The following CLPP variants were observed in gnomAD, a reference collection of about 807,000 sequenced individuals.
CLPP encodes the protein ATP-dependent Clp protease proteolytic subunit, mitochondrial.
In CLPP, 14 loss-of-function variants were observed where a neutral mutation model predicts 27.4. The observed-to-expected ratio is 0.51, with a 90% confidence interval of 0.34 to 0.80. The LOEUF (loss-of-function observed/expected upper bound fraction) is 0.80. Among genes scored for constraint, CLPP ranks in the 30% least tolerant of loss-of-function variants. The pLI is 0.02. For synonymous variants in CLPP, 193 were observed against 166.6 expected (o/e 1.16, Z -1.22); for missense variants, 361 against 403.6 (o/e 0.89, Z 0.90).
chr19:6,362,627 T>C, intron 3 of CLPP, 85 bp downstream of exon 3: 3 of 953,646 alleles, frequency 3.1e-6, no homozygotes, highest in Non-Finnish European at 3.4e-6. Context: ...GTCAGGGATG[T>C]TCTCTCTCTG....
At chr19:6,367,141 C>T (rs528375447) in intron 5 of CLPP, among the ~76,000 whole-genome samples, 1 of 151,876 alleles carries the variant, frequency 6.6e-6, no homozygotes, top group East Asian at 2.0e-4. Context: ...CTTTGGGAGG[C>T]CGAGGTGGGC....
At chr19:6,367,720 A>AATT (rs2091869469) in intron 5 of CLPP, among the ~76,000 whole-genome samples, 1 of 130,432 alleles carries the variant, frequency 7.7e-6, no homozygotes, top group African/African-American at 4.3e-5. Context: ...CATCAATAAC[A>AATT]ATTTTTTTTT....
At chr19:6,361,804 G>A (rs2091835290) in intron 1 of CLPP, 32 bp downstream of exon 1, 1 of 1,573,404 alleles carries the variant, frequency 6.4e-7, no homozygotes, top group East Asian at 2.3e-5. Context: ...ACGGTTCGGG[G>A]GCTCCGGGCT....
At chr19:6,364,398 G>T in intron 3 of CLPP, 54 bp from the exon 4 acceptor site, 1 of 1,529,402 alleles carries the variant, frequency 6.5e-7, no homozygotes, top group African/African-American at 1.4e-5. Flanking sequence ...AGATGGAATA[G>T]GGAAAGGGTC....
At position 6,368,539 on chromosome 19, in the gene CLPP, G is replaced by C; in HGVS notation, c.663G>C (p.Glu221Asp). 1 of 1,614,104 alleles carries C rather than the reference G, an allele frequency of 6.2e-7. No individual in the cohort carries two copies. The highest frequency in any genetic ancestry group is 8.5e-7 in the Non-Finnish European group (1 of 1,180,010). Residue 221 changes from glutamate to aspartate, a missense_variant and splice_region_variant, in exon 6 of 6, where the codon GAG becomes GAC. Around this residue, in one of 2 missense-constraint regions of CLPP, gnomAD observed 213 missense variants for 280.9 expected, o/e 0.76. Coordinates refer to ENST00000245816, the MANE Select transcript of CLPP (RefSeq NM_006012.4). The stretch of plus-strand genomic sequence containing the variant: ...TCTCACCTCCTGCTTCCCCACCAGA[G>C]TCCGCCATGGAGAGGGACCGCTACA... ...KHTKQSLQVI[E>D]SAMERDRYMS... is the part of the protein sequence containing the mutation.
intron 3 of CLPP, among the ~76,000 whole-genome samples, chr19:6,363,083 A>C (rs913953909): frequency 1.6e-4 from 24 of 152,010 alleles, no homozygotes; most frequent in Non-Finnish European, 3.4e-4. Flanking sequence ...CCCCCTCCCC[A>C]AAAAAAGTAG....
chr19:6,362,597 T>G (rs1394922447), intron 3 of CLPP, 55 bp downstream of exon 3: 2 of 1,206,206 alleles, frequency 1.7e-6, no homozygotes, highest in African/African-American at 3.0e-5. Context: ...CACGGGTGAC[T>G]CAGGGGACCA....
chr19:6,361,629 G>A lies in CLPP; in HGVS notation c.55G>A (p.Ala19Thr). The A allele has an allele frequency of 6.3e-6, 9 of 1,426,622 alleles. No individual in the cohort carries two copies. The highest frequency in any genetic ancestry group is 8.3e-6 in the Non-Finnish European group (9 of 1,089,844). 88.4% of individuals were successfully genotyped at this position (1,426,622 alleles called of 1,614,324 possible). A position where few individuals can be genotyped will look rare whatever the true frequency, so the allele number is the denominator to read the frequency against. Reference sequence around the variant, plus strand: ...CCGGGTGGCGTCATGCAGGTACCCCGCGCTGGGGCCTCGCCTCGCCGCTCA... The same window carrying A: ...CCGGGTGGCGTCATGCAGGTACCCCACGCTGGGGCCTCGCCTCGCCGCTCA... ...GARVASCRYP[A>T]LGPRLAAHFP... The change falls in exon 1 of 6, where the codon GCG (alanine) becomes ACG (threonine). Residue 19 changes from alanine (A) to threonine (T), a missense_variant. Physicochemically the swap from Ala to Thr is moderately conservative, Grantham distance 58 (BLOSUM62 0). Coordinates refer to ENST00000245816, the MANE Select transcript of CLPP (RefSeq NM_006012.4).
chr19:6,362,398 C>G lies in CLPP; in HGVS notation c.271-48C>G, dbSNP rs772996724. On this transcript the variant is annotated intron_variant, in intron 2 of 5. Transcript: ENST00000245816. Reference sequence around the variant, plus strand: ...CCCATCCCCAGCCTCCCTTAAAACTCTCTCCCCACCCCGAATCTGGGGACA... The same window carrying G: ...CCCATCCCCAGCCTCCCTTAAAACTGTCTCCCCACCCCGAATCTGGGGACA... 8.0e-6 allele frequency: 11 copies of G among 1,377,394 alleles called. No homozygotes were observed. In the Middle Eastern group the frequency reaches 7.1e-4, roughly 89 times the overall value. 85.3% of individuals were successfully genotyped at this position (1,377,394 alleles called of 1,614,324 possible). A position where few individuals can be genotyped will look rare whatever the true frequency, so the allele number is the denominator to read the frequency against.
chr19:6,361,595 A>AG lies in CLPP; in HGVS notation c.28dup (p.Ala10GlyfsTer65), dbSNP rs770403079. 1.6e-5 allele frequency: 23 copies of AG among 1,412,412 alleles called. No homozygotes were observed. The highest frequency in any genetic ancestry group is 9.3e-5 in the Admixed American group (3 of 32,216). The allele number at this position is 1,412,412 out of a possible 1,614,324, so 87.5% of individuals were successfully genotyped here. On this transcript the variant is annotated frameshift_variant, in exon 1 of 6. Coordinates refer to ENST00000245816, the MANE Select transcript of CLPP (RefSeq NM_006012.4). LOFTEE classifies it high-confidence loss of function. The stretch of plus-strand genomic sequence containing the variant: ...GAGGGATGTGGCCCGGAATATTGGT[A>AG]GGGGGGGCCCGGGTGGCGTCATGCA...
In CLPP at chr19:6,370,201, T is replaced by G. The variant is rs1192216161; in HGVS notation, c.*1491T>G. On this transcript the variant is annotated 3_prime_UTR_variant, in exon 6 of 6. Transcript: ENST00000245816. ...TGATGTTTTGATATGTCCCTCGACA[T>G]CAGGGTCAAGAGGTTGAAATAAAAA... Among the ~76,000 whole-genome samples the G allele has an allele frequency of 6.6e-6, 1 of 152,202 alleles. No individual in the cohort carries two copies. Among genetic ancestry groups the G allele is most frequent in the Non-Finnish European group, 1.5e-5 (1 of 68,030 alleles).
intron 2 of CLPP, chr19:6,362,144 C>T (rs1038509781): frequency 9.9e-6 from 6 of 606,022 alleles, no homozygotes; most frequent in Admixed American, 5.9e-5. Flanking sequence ...TCTTAATCTC[C>T]GACTTCCTTC....
intron 3 of CLPP, among the ~76,000 whole-genome samples, chr19:6,363,301 G>A (rs1035464808): frequency 1.3e-5 from 2 of 151,788 alleles, no homozygotes; most frequent in Non-Finnish European, 1.5e-5. Context: ...CTAATTTTTT[G>A]TATTTCGTAG....
rs777653872 is a variant in CLPP, at chr19:6,362,499, C to G, written c.324C>G (p.Ser108=). 6.2e-7 allele frequency: 1 copy of G among 1,614,040 alleles called. No homozygotes were observed. Among genetic ancestry groups the G allele is most frequent in the South Asian group, 1.1e-5 (1 of 91,088 alleles). The change falls in exon 3 of 6, where the codon TCC becomes TCG. Residue 108 remains serine, a synonymous_variant. Transcript: ENST00000245816. ...LVIAQLLFLQ[S]ESNKKPIHMY... is the part of the protein sequence containing the mutation. Reference sequence around the variant, plus strand: ...TCGCACAGCTCCTCTTCCTGCAATCCGAGAGCAACAAGAAGCCCATCCACA... The same window carrying G: ...TCGCACAGCTCCTCTTCCTGCAATCGGAGAGCAACAAGAAGCCCATCCACA...
At position 6,364,437 on chromosome 19, in the gene CLPP, C is replaced by A. The variant is rs759729281; in HGVS notation, c.368-15C>A. 2 of 1,598,328 alleles carry A rather than the reference C, an allele frequency of 1.3e-6. No homozygotes were observed. Among genetic ancestry groups the A allele is most frequent in the Non-Finnish European group, 1.7e-6 (2 of 1,174,244 alleles). ...GGGAGCTGGTCCAGCCCCTCACTTG[C>A]TCCCCCGCCCACAGGTGGTGTGGTG... is the stretch of plus-strand genomic sequence containing the variant. On this transcript the variant is annotated splice_polypyrimidine_tract_variant and intron_variant, in intron 3 of 5. Coordinates refer to ENST00000245816, the MANE Select transcript of CLPP (RefSeq NM_006012.4).
chr19:6,364,838 T>C (rs1380211922), intron 4 of CLPP, 199 bp downstream of exon 4: 10 of 532,554 alleles, frequency 1.9e-5, no homozygotes, highest in Non-Finnish European at 3.3e-5. Context: ...ACGCCATTCT[T>C]CTGCCTGAGC....
In CLPP at chr19:6,364,456, TGTG is replaced by T. The variant is rs2091851660; in HGVS notation, c.376_378del (p.Val126del). 4 of 1,606,398 alleles carry T rather than the reference TGTG, an allele frequency of 2.5e-6. No homozygotes were observed. The highest frequency in any genetic ancestry group is 2.5e-6 in the Non-Finnish European group (3 of 1,177,946). On this transcript the variant is annotated inframe_deletion, in exon 4 of 6. Transcript: ENST00000245816. ...CACTTGCTCCCCCGCCCACAGGTGG[TGTG>T]GTGACCGCGGGCCTGGCCATCTACG...
At position 6,361,592 on chromosome 19, in the gene CLPP, G is replaced by C; in HGVS notation, c.18G>C (p.Leu6Phe). 1 of 1,411,320 alleles carries C rather than the reference G, an allele frequency of 7.1e-7. No homozygotes were observed. The highest frequency in any genetic ancestry group is 9.3e-7 in the Non-Finnish European group (1 of 1,080,390). The allele number at this position is 1,411,320 out of a possible 1,614,324, so 87.4% of individuals were successfully genotyped here. A position where few individuals can be genotyped will look rare whatever the true frequency, so the allele number is the denominator to read the frequency against. MWPGI[L>F]VGGARVASCR... ...GCGGAGGGATGTGGCCCGGAATATT[G>C]GTAGGGGGGGCCCGGGTGGCGTCAT... Residue 6 changes from leucine to phenylalanine, a missense_variant, in exon 1 of 6, where the codon TTG becomes TTC. Transcript: ENST00000245816.
At position 6,364,501 on chromosome 19, in the gene CLPP, C is replaced by A; in HGVS notation, c.417C>A (p.Ile139=). 1 of 1,612,162 alleles carries A rather than the reference C, an allele frequency of 6.2e-7. No individual in the cohort carries two copies. Among genetic ancestry groups the A allele is most frequent in the Admixed American group, 1.7e-5 (1 of 59,876 alleles). Residue 139 remains isoleucine (I), a synonymous_variant, in exon 4 of 6, where the codon ATC becomes ATA. Coordinates refer to ENST00000245816, the MANE Select transcript of CLPP (RefSeq NM_006012.4). ...CCATCTACGACACGATGCAGTACAT[C>A]CTCAACCCGATCTGCACCTGGTGCG... ...GLAIYDTMQY[I]LNPICTWCVG... is the part of the protein sequence containing the mutation.
Sources: allele counts gnomAD v4.1 joint callset (sites outside exome capture counted in the v4.1 genomes callset), GRCh38; gene constraint gnomAD v4.1.1; regional missense constraint gnomAD v4.1.1; transcripts MANE v1.5; gene names NCBI Gene and HGNC (gene_info 2026-07-23, HGNC 2026-07-21).